The following FHAD1 variants were observed in gnomAD, a reference collection of about 807,000 sequenced individuals.
FHAD1 encodes forkhead associated phosphopeptide binding domain 1.
FHAD1 carries 146 observed loss-of-function variants against 191.3 expected under a neutral mutation model. The observed-to-expected ratio is 0.76, with a 90% CI of 0.67 to 0.88. The LOEUF is 0.88. Ranked by LOEUF, FHAD1 falls within the 40% of genes least tolerant of loss-of-function variation. The probability of loss-of-function intolerance (pLI) is 0.00; values close to 1 mark genes in which losing one functional copy is unlikely to be tolerated. For synonymous variants in FHAD1, 616 were observed against 672.3 expected (o/e 0.92, Z 1.29); for missense variants, 1,635 against 1,785.8 (o/e 0.92, Z 1.52).
chr1:15,362,521 C>A lies in FHAD1; in HGVS notation c.2963-121C>A. ...TGACATGGCACACGTGCAGGTCTCACAAGGTGGAGAGGGCTGCAGGTGGAG... is the reference window on the plus strand; with the variant it reads ...TGACATGGCACACGTGCAGGTCTCAAAAGGTGGAGAGGGCTGCAGGTGGAG... On this transcript the variant is annotated intron_variant, in intron 22 of 33. Coordinates refer to ENST00000688493, the MANE Select transcript of FHAD1 (RefSeq NM_001391957.1). The A allele has an allele frequency of 6.5e-6, 5 of 767,374 alleles. 1 individual carries two copies. In the Middle Eastern group the frequency reaches 9.4e-4, roughly 144 times the overall value. 47.5% of individuals were successfully genotyped at this position (767,374 alleles called of 1,614,324 possible).
chr1:15,251,982 C>A, intron 2 of FHAD1, 105 bp downstream of exon 2: 1 of 928,516 alleles, frequency 1.1e-6, no homozygotes, highest in Non-Finnish European at 1.6e-6. Flanking sequence ...TACACCACAA[C>A]CTGGGCAAGC....
chr1:15,370,859 G>T (rs962611253), intron 26 of FHAD1, among the ~76,000 whole-genome samples: 7 of 152,170 alleles, frequency 4.6e-5, no homozygotes, highest in African/African-American at 1.7e-4. Context: ...ATGGGCTTTG[G>T]ATTTTCACCG....
At chr1:15,293,521 C>T (rs956976329) in intron 4 of FHAD1, among the ~76,000 whole-genome samples, 5 of 152,048 alleles carry the variant, frequency 3.3e-5, no homozygotes, top group African/African-American at 7.3e-5. Context: ...AGTCTGAGAC[C>T]AGCCTGACTA....
chr1:15,374,168 T>C (rs1698903758), intron 26 of FHAD1, among the ~76,000 whole-genome samples: 3 of 152,178 alleles, frequency 2.0e-5, no homozygotes, highest in African/African-American at 7.2e-5. Context: ...GGGAGTAGAA[T>C]TGGCTGTGAT....
chr1:15,271,416 C>T (rs1240002081), intron 2 of FHAD1, among the ~76,000 whole-genome samples: 3 of 152,204 alleles, frequency 2.0e-5, no homozygotes, highest in African/African-American at 7.2e-5. Context: ...CAGTCACCTC[C>T]TTTGTGCTGA....
chr1:15,362,659 C>T lies in FHAD1; in HGVS notation c.2980C>T (p.Pro994Ser), dbSNP rs1435495210. Residue 994 changes from proline (P) to serine (S), a missense_variant, in exon 23 of 34, where the codon CCG becomes TCG. Transcript: ENST00000688493. ...DNDPAPKEER[P>S]QDPLVAPMTE... Reference sequence around the variant, plus strand: ...TGATACAGCCCCAAAGGAGGAAAGGCCGCAAGACCCTCTGGTGGCTCCCAT... The same window carrying T: ...TGATACAGCCCCAAAGGAGGAAAGGTCGCAAGACCCTCTGGTGGCTCCCAT... 2 of 1,551,772 alleles carry T rather than the reference C, an allele frequency of 1.3e-6. No individual in the cohort carries two copies. Among genetic ancestry groups the T allele is most frequent in the Admixed American group, 3.9e-5 (2 of 51,004 alleles).
At chr1:15,361,874 G>A (rs892626600) in intron 22 of FHAD1, among the ~76,000 whole-genome samples, 12 of 151,984 alleles carry the variant, frequency 7.9e-5, no homozygotes, top group African/African-American at 2.4e-4. Context: ...GCCTGGTGGC[G>A]CGCGCCTGTA....
chr1:15,264,176 C>T (rs1652411592), intron 2 of FHAD1, among the ~76,000 whole-genome samples: 1 of 151,964 alleles, frequency 6.6e-6, no homozygotes, highest in Non-Finnish European at 1.5e-5. Flanking sequence ...AAAAGAACAC[C>T]ATTGGAATTT....
chr1:15,328,225 C>T lies in FHAD1; in HGVS notation c.1558-52C>T, dbSNP rs10927772. The stretch of plus-strand genomic sequence containing the variant: ...ATTCCCCTTCCCTCAGGGCCCCCCA[C>T]CCCTGTATGTTACATCTTTTTTTTT... On this transcript the variant is annotated intron_variant, in intron 12 of 33. Coordinates refer to ENST00000688493, the MANE Select transcript of FHAD1 (RefSeq NM_001391957.1). 1.8e-4 allele frequency: 255 copies of T among 1,416,242 alleles called. 2 individuals carry two copies. The African/African-American group carries it at 3.3e-3, about 19-fold the overall frequency. The allele number at this position is 1,416,242 out of a possible 1,614,324, so 87.7% of individuals were successfully genotyped here.
chr1:15,355,951 A>G (rs1342559143), intron 20 of FHAD1, among the ~76,000 whole-genome samples: 1 of 151,530 alleles, frequency 6.6e-6, no homozygotes, highest in Non-Finnish European at 1.5e-5. Flanking sequence ...AAAAAAAAAA[A>G]CAGAAAATCA....
rs1675331634 is a variant in FHAD1 at position 15,318,730 on chromosome 1, G to A, written c.1365+802G>A. Among the ~76,000 whole-genome samples, 1 of 152,204 alleles carries A rather than the reference G, an allele frequency of 6.6e-6. No homozygotes were observed. The stretch of plus-strand genomic sequence containing the variant: ...TGCATAGTAGCCACGTGTAGCTGGT[G>A]GCTGCTGCACTGGACAGCACAGATA... On this transcript the variant is annotated intron_variant, in intron 10 of 33. Transcript: ENST00000688493. The surrounding 1 kb of genome is among the most constrained non-coding windows in gnomAD (Gnocchi z 4.1).
chr1:15,245,041 G>C (rs376597734), upstream of FHAD1, among the ~76,000 whole-genome samples: 2 of 152,150 alleles, frequency 1.3e-5, no homozygotes, highest in Admixed American at 6.5e-5. Flanking sequence ...GAGAGTGAGC[G>C]AGGGGGAGGT....
At chr1:15,284,472 C>A (rs9659891) in intron 3 of FHAD1, among the ~76,000 whole-genome samples, 1 of 95,376 alleles carries the variant, frequency 1.0e-5, no homozygotes, top group African/African-American at 4.7e-5. Flanking sequence ...GAGCGAGACT[C>A]CATCTCAAAA....
intron 1 of FHAD1, among the ~76,000 whole-genome samples, chr1:15,250,434 G>A (rs2100753911): frequency 6.6e-6 from 1 of 152,352 alleles, no homozygotes; most frequent in East Asian, 1.9e-4. Flanking sequence ...AATGCCGATG[G>A]TAGAATCTAG....
chr1:15,302,850 C>T lies in FHAD1; in HGVS notation c.915+1409C>T, dbSNP rs34880739. On this transcript the variant is annotated intron_variant, in intron 6 of 33. Transcript: ENST00000688493. ...TGTGGACATGCCTGGGGCCTCTGTT[C>T]GCCGATTCACTGCTTTTGGCCTCTG... Among the ~76,000 whole-genome samples, 1,441 of 152,334 alleles carry T rather than the reference C, an allele frequency of 9.5e-3. 9 individuals are homozygous for T. Among genetic ancestry groups the T allele is most frequent in the African/African-American group, 0.015 (615 of 41,574 alleles).
intron 28 of FHAD1, 143 bp from the exon 29 acceptor site, chr1:15,380,558 G>T: frequency 1.6e-6 from 1 of 641,506 alleles, no homozygotes; most frequent in Non-Finnish European, 2.8e-6. Flanking sequence ...GTTGACAAAG[G>T]AATCAGACGG....
intron 2 of FHAD1, among the ~76,000 whole-genome samples, chr1:15,259,038 G>T (rs1309158855): frequency 6.6e-6 from 1 of 152,204 alleles, no homozygotes; most frequent in Non-Finnish European, 1.5e-5. Flanking sequence ...CAGCAACAGT[G>T]CATAAGGGCT....
chr1:15,304,290 C>T (rs955582584), intron 6 of FHAD1, among the ~76,000 whole-genome samples: 5 of 152,194 alleles, frequency 3.3e-5, no homozygotes, highest in African/African-American at 9.7e-5. Flanking sequence ...GACCCAGTGC[C>T]CATTTTATTA....
At chr1:15,302,511 G>A (rs933437920) in intron 6 of FHAD1, among the ~76,000 whole-genome samples, 2 of 152,154 alleles carry the variant, frequency 1.3e-5, no homozygotes, top group African/African-American at 4.8e-5. Flanking sequence ...AGATCACAAG[G>A]TCAGGAGATC....
Sources: allele counts gnomAD v4.1 joint callset (sites outside exome capture counted in the v4.1 genomes callset), GRCh38; gene constraint gnomAD v4.1.1; non-coding constraint Gnocchi (gnomAD v3.1); transcripts MANE v1.5; gene names NCBI Gene and HGNC (gene_info 2026-07-23, HGNC 2026-07-21).